Variants in GALNT17 observed in about 807,000 individuals in gnomAD.
GALNT17 encodes the protein UDP-GalNAc:polypeptide N-acetylgalactosaminyltransferase-like 3.
GALNT17 carries 29 observed loss-of-function variants against 63.7 expected under a neutral mutation model. The ratio of observed to expected loss-of-function variants is 0.46; its 90% CI spans 0.34 to 0.62. The LOEUF (loss-of-function observed/expected upper bound fraction) is 0.62. GALNT17 is among the 20% of genes least tolerant of loss of function. GALNT17 has a pLI of 0.01. For synonymous variants in GALNT17, 305 were observed against 318.3 expected (o/e 0.96, Z 0.45); for missense variants, 603 against 799.6 (o/e 0.75, Z 2.97).
chr7:71,255,191 C>G (rs563321179), intron 1 of GALNT17, among the ~76,000 whole-genome samples: 1 of 152,320 alleles, frequency 6.6e-6, no homozygotes, highest in East Asian at 1.9e-4. Flanking sequence ...ATTCTAGCTC[C>G]CACAATTCCC....
chr7:71,515,509 T>C (rs561203028), intron 5 of GALNT17, among the ~76,000 whole-genome samples: 11 of 152,346 alleles, frequency 7.2e-5, no homozygotes, highest in African/African-American at 2.6e-4. Flanking sequence ...GACGCAGTGA[T>C]AGTGTCTTTC....
chr7:71,157,084 A>G (rs890088269), intron 1 of GALNT17, among the ~76,000 whole-genome samples: 1 of 151,778 alleles, frequency 6.6e-6, no homozygotes, highest in African/African-American at 2.4e-5. Flanking sequence ...AGCCTCCCAA[A>G]TAGCTGGGAC....
At chr7:71,645,790 A>G (rs1018557384) in intron 6 of GALNT17, among the ~76,000 whole-genome samples, 1 of 152,196 alleles carries the variant, frequency 6.6e-6, no homozygotes, top group African/African-American at 2.4e-5. Context: ...TGAAGAGGAG[A>G]AAACCTGACT....
chr7:71,157,636 T>A (rs758108203), intron 1 of GALNT17, among the ~76,000 whole-genome samples: 50 of 150,684 alleles, frequency 3.3e-4, no homozygotes, highest in Admixed American at 6.6e-4. Context: ...CCGGCCTGGG[T>A]GACGGAGTGA....
intron 6 of GALNT17, among the ~76,000 whole-genome samples, chr7:71,660,877 G>A (rs1030992051): frequency 6.6e-6 from 1 of 152,178 alleles, no homozygotes; most frequent in Non-Finnish European, 1.5e-5. Flanking sequence ...CTGTGCTGGT[G>A]ATCACCCCCA....
At chr7:71,308,846 G>A (rs117841059) in intron 1 of GALNT17, among the ~76,000 whole-genome samples, 2,311 of 151,472 alleles carry the variant, frequency 0.015, 24 homozygotes, top group Middle Eastern at 0.027. Context: ...TGGGTTCAAC[G>A]GATTTCTTAT....
intron 1 of GALNT17, among the ~76,000 whole-genome samples, chr7:71,334,548 A>G (rs779291714): frequency 5.3e-4 from 80 of 152,306 alleles, no homozygotes; most frequent in Middle Eastern, 3.4e-3. Context: ...CTTAACAACA[A>G]AAGTTTTCTA....
chr7:71,321,410 G>T (rs935159265), intron 1 of GALNT17, among the ~76,000 whole-genome samples: 1 of 152,118 alleles, frequency 6.6e-6, no homozygotes, highest in African/African-American at 2.4e-5. Context: ...TCACACAGGG[G>T]GATATTTGTG....
At chr7:71,152,173 A>G (rs1035040089) in intron 1 of GALNT17, among the ~76,000 whole-genome samples, 1 of 152,104 alleles carries the variant, frequency 6.6e-6, no homozygotes, top group African/African-American at 2.4e-5. Context: ...GGATAAAATG[A>G]CTAATAAAAT....
At chr7:71,158,854 C>T (rs950165346) in intron 1 of GALNT17, among the ~76,000 whole-genome samples, 7 of 151,518 alleles carry the variant, frequency 4.6e-5, no homozygotes, top group Admixed American at 2.0e-4. Context: ...GGATTACAGG[C>T]GTGAGCCACC....
At chr7:71,263,816 T>G (rs543411347) in intron 1 of GALNT17, among the ~76,000 whole-genome samples, 1 of 152,022 alleles carries the variant, frequency 6.6e-6, no homozygotes, top group East Asian at 1.9e-4. Context: ...CCTAGCTACT[T>G]GGGAGGCTGA....
intron 6 of GALNT17, among the ~76,000 whole-genome samples, chr7:71,659,641 A>T (rs887504464): frequency 6.6e-6 from 1 of 152,202 alleles, no homozygotes; most frequent in Non-Finnish European, 1.5e-5. Context: ...GCATTCTGTT[A>T]ATCAGTGCAA....
intron 6 of GALNT17, among the ~76,000 whole-genome samples, chr7:71,581,097 A>T (rs1319504377): frequency 6.6e-6 from 1 of 152,164 alleles, no homozygotes; most frequent in Non-Finnish European, 1.5e-5. Context: ...GAATCAAGGC[A>T]TGTTTTAGCT....
intron 9 of GALNT17, among the ~76,000 whole-genome samples, chr7:71,706,959 A>G (rs1791728825): frequency 6.6e-6 from 1 of 152,192 alleles, no homozygotes; most frequent in Non-Finnish European, 1.5e-5. Flanking sequence ...TCTGCTGCTC[A>G]GCTGCTGGGC....
chr7:71,228,039 G>GC (rs1250517365), intron 1 of GALNT17, among the ~76,000 whole-genome samples: 1 of 152,142 alleles, frequency 6.6e-6, no homozygotes, highest in African/African-American at 2.4e-5. Flanking sequence ...GAGGACCCCA[G>GC]TTTGGTGTTT....
intron 1 of GALNT17, among the ~76,000 whole-genome samples, chr7:71,238,691 C>T (rs906183070): frequency 6.6e-6 from 1 of 152,180 alleles, no homozygotes; most frequent in Non-Finnish European, 1.5e-5. Flanking sequence ...AACACCCATT[C>T]ATACCACAAG....
chr7:71,487,266 C>T (rs1379645313), intron 5 of GALNT17, among the ~76,000 whole-genome samples: 1 of 152,178 alleles, frequency 6.6e-6, no homozygotes. Context: ...TGTTTCTCCT[C>T]CTTTGTTATT....
Position 71,587,189 on chromosome 7 carries a change from G to A in GALNT17, c.1080+15787G>A, listed in dbSNP as rs116945597. ...ACTATAGGCGCACACCACCACACCA[G>A]GCTAATTTTTCTATTTTTAGTAGAC... On this transcript the variant is annotated intron_variant, in intron 6 of 10. Coordinates refer to ENST00000333538, the MANE Select transcript of GALNT17 (RefSeq NM_022479.3). Among the ~76,000 whole-genome samples the A allele has an allele frequency of 1.4e-3, 209 of 152,082 alleles. 1 individual carries two copies. In the South Asian group the frequency reaches 0.027, roughly 20 times the overall value.
At chr7:71,391,199 G>T (rs184071386) in intron 3 of GALNT17, among the ~76,000 whole-genome samples, 1 of 152,246 alleles carries the variant, frequency 6.6e-6, no homozygotes, top group East Asian at 1.9e-4. Context: ...GACTGGAGGT[G>T]GCCCGGGGCT....
Sources: gnomAD v4.1 joint callset for allele counts (sites outside exome capture counted in the v4.1 genomes callset) on GRCh38, gnomAD v4.1.1 for gene constraint, MANE v1.5 for transcripts, NCBI Gene and HGNC (gene_info 2026-07-23, HGNC 2026-07-21) for gene names.